The following GGNBP2 variants were observed in gnomAD, a reference collection of about 807,000 sequenced individuals.
The protein encoded by GGNBP2 is gametogenetin-binding protein 2.
In GGNBP2, 10 loss-of-function variants were observed where a neutral mutation model predicts 85.9. The ratio of observed to expected loss-of-function variants is 0.12; its 90% CI spans 0.07 to 0.20. The LOEUF (loss-of-function observed/expected upper bound fraction) is 0.20. GGNBP2 is among the 10% of genes least tolerant of loss of function. The pLI, the probability that GGNBP2 is intolerant of heterozygous loss-of-function variation, is 1.00. For missense variants in GGNBP2, 595 were observed against 857.8 expected, an observed-to-expected ratio of 0.69 and a Z score of 3.83; for synonymous variants, 287 against 285.7, an observed-to-expected ratio of 1.00 and a Z score of -0.05.
intron 9 of GGNBP2, chr17:36,582,450 A>G (rs894498704): frequency 1.3e-5 from 2 of 152,220 alleles, no homozygotes; most frequent in African/African-American, 4.8e-5. Context: ...ACAAGAAAAA[A>G]GTCTGTACAT....
At chr17:36,548,040 A>G (rs1017253036) in intron 2 of GGNBP2, among the ~76,000 whole-genome samples, 1 of 152,242 alleles carries the variant, frequency 6.6e-6, no homozygotes, top group African/African-American at 2.4e-5. Flanking sequence ...TATGCTCTGC[A>G]TTGTTCCTTT....
chr17:36,558,078 G>A (rs1003689915), intron 4 of GGNBP2, among the ~76,000 whole-genome samples: 4 of 150,782 alleles, frequency 2.7e-5, no homozygotes, highest in Non-Finnish European at 5.9e-5. Flanking sequence ...CGCCACTGCA[G>A]TCCAGCCAGG....
At chr17:36,589,112 A>G (rs1466012430) in intron 13 of GGNBP2, 96 bp from the exon 14 acceptor site, 1 of 824,394 alleles carries the variant, frequency 1.2e-6, no homozygotes, top group Non-Finnish European at 2.0e-6. Context: ...ATGTGAAACT[A>G]AAAAGTTAGA....
At chr17:36,556,765 T>C (rs2074365978) in intron 3 of GGNBP2, among the ~76,000 whole-genome samples, 1 of 122,518 alleles carries the variant, frequency 8.2e-6, no homozygotes, top group Admixed American at 7.8e-5. Context: ...TTTTTTTTTT[T>C]TTTTTTTTTT....
At chr17:36,582,996 T>G (rs1398976176) in intron 9 of GGNBP2, among the ~76,000 whole-genome samples, 1 of 151,596 alleles carries the variant, frequency 6.6e-6, no homozygotes, top group Non-Finnish European at 1.5e-5. Context: ...AGAAGAATGG[T>G]ATTATACTAT....
chr17:36,586,795 T>G (rs996242161), intron 12 of GGNBP2: 2 of 510,522 alleles, frequency 3.9e-6, no homozygotes, highest in Admixed American at 3.4e-5. Context: ...ATTTTTGCAT[T>G]TTTAGTAGAG....
chr17:36,545,453 G>A (rs1331086485), intron 1 of GGNBP2, 166 bp from the exon 2 acceptor site: 3 of 399,160 alleles, frequency 7.5e-6, no homozygotes, highest in East Asian at 7.5e-5. Flanking sequence ...CGCGAGGGGG[G>A]CGGGTCCCGG....
chr17:36,557,559 A>T (rs2074374866), intron 4 of GGNBP2, among the ~76,000 whole-genome samples: 1 of 152,094 alleles, frequency 6.6e-6, no homozygotes, highest in Non-Finnish European at 1.5e-5. Flanking sequence ...AAAAATCAGT[A>T]AGGGAGGTAG....
intron 2 of GGNBP2, among the ~76,000 whole-genome samples, chr17:36,550,791 C>A (rs2074301345): frequency 6.6e-6 from 1 of 152,142 alleles, no homozygotes. Flanking sequence ...CTCTATAAAA[C>A]CACACCTGAA....
chr17:36,563,243 G>A (rs981881883), intron 5 of GGNBP2, among the ~76,000 whole-genome samples: 1 of 152,010 alleles, frequency 6.6e-6, no homozygotes, highest in African/African-American at 2.4e-5. Context: ...TCCAGCCTGG[G>A]CGACAAGAGT....
intron 6 of GGNBP2, 102 bp from the exon 7 acceptor site, chr17:36,577,881 T>C (rs2074607585): frequency 1.2e-6 from 1 of 851,348 alleles, no homozygotes; most frequent in Admixed American, 1.9e-5. Flanking sequence ...TTATTTTGGA[T>C]GCTGTAGATG....
At chr17:36,556,956 T>G in intron 3 of GGNBP2, 127 bp from the exon 4 acceptor site, 1 of 1,047,040 alleles carries the variant, frequency 9.6e-7, no homozygotes, top group Non-Finnish European at 1.4e-6. Flanking sequence ...CTGACTCAGT[T>G]GCAGGTAGAG....
chr17:36,585,065 C>T lies in GGNBP2; in HGVS notation c.1216-235C>T, dbSNP rs528473206. 1.1e-4 allele frequency among the ~76,000 whole-genome samples: 16 copies of T among 152,072 alleles called. No homozygotes were observed. The East Asian group carries it at 1.7e-3, about 17-fold the overall frequency. ...TAAGTGAAATATCTTTTTGTGAGAG[C>T]GCTTGACAGTTGAAGAATACAGTGA... On this transcript the variant is annotated intron_variant, in intron 9 of 13. Transcript: ENST00000613102.
At chr17:36,571,026 A>T (rs1555606701) in intron 6 of GGNBP2, among the ~76,000 whole-genome samples, 2 of 152,196 alleles carry the variant, frequency 1.3e-5, no homozygotes, top group African/African-American at 4.8e-5. Flanking sequence ...TCTCAAAAGA[A>T]AAGTATTACG....
At chr17:36,549,996 G>C (rs1444107166) in intron 2 of GGNBP2, among the ~76,000 whole-genome samples, 1 of 151,442 alleles carries the variant, frequency 6.6e-6, no homozygotes, top group Non-Finnish European at 1.5e-5. Flanking sequence ...GGAGTGCAGT[G>C]GTGTGATCTT....
intron 2 of GGNBP2, among the ~76,000 whole-genome samples, chr17:36,553,967 T>C (rs2142695988): frequency 6.6e-6 from 1 of 152,282 alleles, no homozygotes; most frequent in East Asian, 1.9e-4. Flanking sequence ...ATTTTGATAA[T>C]TGAATAAGTA....
intron 13 of GGNBP2, 109 bp from the exon 14 acceptor site, chr17:36,589,099 C>G: frequency 1.4e-6 from 1 of 726,172 alleles, no homozygotes; most frequent in Non-Finnish European, 2.4e-6. Context: ...CTTTATGTGA[C>G]TGATGTGAAA....
intron 5 of GGNBP2, among the ~76,000 whole-genome samples, chr17:36,566,195 A>T (rs911219313): frequency 7.9e-5 from 12 of 152,234 alleles, no homozygotes; most frequent in African/African-American, 2.9e-4. Context: ...GTTGTTCAGA[A>T]TCATGAAAAA....
chr17:36,557,457 T>C (rs1460995704), intron 4 of GGNBP2, 121 bp downstream of exon 4: 3 of 817,472 alleles, frequency 3.7e-6, no homozygotes, highest in Non-Finnish European at 5.8e-6. Context: ...TTGAGTAAGT[T>C]GTATGTACCA....
Sources: allele counts gnomAD v4.1 joint callset (sites outside exome capture counted in the v4.1 genomes callset), GRCh38; gene constraint gnomAD v4.1.1; transcripts MANE v1.5; gene names NCBI Gene and HGNC (gene_info 2026-07-23, HGNC 2026-07-21).